The following GPC6 variants were observed in gnomAD, a reference collection of about 807,000 sequenced individuals.
The protein encoded by GPC6 is glypican-6.
GPC6 carries 14 observed loss-of-function variants against 55.2 expected under a neutral mutation model. The ratio of observed to expected loss-of-function variants is 0.25; its 90% CI spans 0.17 to 0.40. GPC6 has a LOEUF of 0.40. Ranked by LOEUF, GPC6 falls within the 10% of genes least tolerant of loss-of-function variation. GPC6 has a pLI of 1.00. For missense variants in GPC6, 641 were observed against 708.5 expected (o/e 0.90, Z 1.08); for synonymous variants, 278 against 259.6 (o/e 1.07, Z -0.68).
chr13:93,851,559 T>C (rs1356274011), intron 3 of GPC6, among the ~76,000 whole-genome samples: 1 of 151,922 alleles, frequency 6.6e-6, no homozygotes, highest in African/African-American at 2.4e-5. Context: ...TAAGTACTTT[T>C]ATGAAAGTCT....
chr13:94,405,224 AT>A lies in GPC6; in HGVS notation c.*2009del, dbSNP rs1253906829. The A allele has an allele frequency of 2.6e-5, 4 of 152,198 alleles. No homozygotes were observed. The highest frequency in any genetic ancestry group is 9.7e-5 in the African/African-American group (4 of 41,450). The allele number at this position is 152,198 out of a possible 1,614,324, so 9.4% of individuals were successfully genotyped here. ...GTAGGATGATGAGAGACTTTGTGGC[AT>A]TCTTTCATTTAAACCTTTATGAAAT... On this transcript the variant is annotated 3_prime_UTR_variant, in exon 9 of 9. Transcript: ENST00000377047.
chr13:94,248,535 A>G (rs1891261987), intron 4 of GPC6, among the ~76,000 whole-genome samples: 1 of 152,102 alleles, frequency 6.6e-6, no homozygotes, highest in African/African-American at 2.4e-5. Flanking sequence ...TTTCCCATAA[A>G]TATCACCCAA....
chr13:93,279,233 G>GT (rs951232738), intron 1 of GPC6, among the ~76,000 whole-genome samples: 4 of 152,160 alleles, frequency 2.6e-5, no homozygotes, highest in African/African-American at 9.7e-5. Flanking sequence ...CATTCAGGTG[G>GT]TTTTGGGAGG....
chr13:94,056,000 C>T (rs1313571587), intron 4 of GPC6, among the ~76,000 whole-genome samples: 1 of 152,140 alleles, frequency 6.6e-6, no homozygotes, highest in East Asian at 1.9e-4. Context: ...AGGACTCTGA[C>T]TCAGCCAAGG....
intron 2 of GPC6, among the ~76,000 whole-genome samples, chr13:93,622,202 T>C (rs888884387): frequency 3.3e-5 from 5 of 152,174 alleles, no homozygotes; most frequent in Non-Finnish European, 7.4e-5. Context: ...CTCAAAAATA[T>C]GTAAAATGAT....
chr13:93,461,370 T>C (rs1453315158), intron 1 of GPC6, among the ~76,000 whole-genome samples: 2 of 152,158 alleles, frequency 1.3e-5, no homozygotes, highest in East Asian at 3.9e-4. Context: ...ATTTTAGATA[T>C]GAAAAGCATC....
At chr13:93,339,567 G>A (rs1880166800) in intron 1 of GPC6, among the ~76,000 whole-genome samples, 2 of 151,004 alleles carry the variant, frequency 1.3e-5, no homozygotes, top group African/African-American at 4.9e-5. Flanking sequence ...GAGCCCCCAG[G>A]TCTACACTGA....
At chr13:93,821,794 T>G (rs1887054595) in intron 2 of GPC6, among the ~76,000 whole-genome samples, 1 of 152,198 alleles carries the variant, frequency 6.6e-6, no homozygotes, top group Non-Finnish European at 1.5e-5. Flanking sequence ...CCCCCCTGTC[T>G]GTGAGTCTCC....
At chr13:93,671,925 A>G (rs1881375259) in intron 2 of GPC6, among the ~76,000 whole-genome samples, 1 of 152,104 alleles carries the variant, frequency 6.6e-6, no homozygotes, top group Admixed American at 6.6e-5. Context: ...GGACACTACA[A>G]TGACCTATGG....
At chr13:93,420,843 T>C (rs1876896210) in intron 1 of GPC6, among the ~76,000 whole-genome samples, 1 of 152,042 alleles carries the variant, frequency 6.6e-6, no homozygotes, top group African/African-American at 2.4e-5. Context: ...CTCATGGAGT[T>C]TTGACTAGTA....
intron 2 of GPC6, among the ~76,000 whole-genome samples, chr13:93,547,793 A>G (rs1566417463): frequency 6.7e-6 from 1 of 150,358 alleles, no homozygotes; most frequent in Non-Finnish European, 1.5e-5. Flanking sequence ...ACTTAATAAT[A>G]ATAATAATAA....
In GPC6 at chr13:93,566,529, G is replaced by GT. The variant is rs35602582; in HGVS notation, c.319+21121dup. On this transcript the variant is annotated intron_variant, in intron 2 of 8. Coordinates refer to ENST00000377047, the MANE Select transcript of GPC6 (RefSeq NM_005708.5). ...AAATCTAGTTGTCAAGTTGGAGAAA[G>GT]TTTTTTTTTTTTTGCTTGTTTTTTT... Among the ~76,000 whole-genome samples, 680 of 145,520 alleles carry GT rather than the reference G, an allele frequency of 4.7e-3. 5 individuals are homozygous for GT. The highest frequency in any genetic ancestry group is 0.016 in the African/African-American group (625 of 39,206).
intron 2 of GPC6, among the ~76,000 whole-genome samples, chr13:93,592,402 A>AAT (rs370001607): frequency 2.0e-5 from 3 of 146,768 alleles, no homozygotes; most frequent in African/African-American, 5.0e-5. Flanking sequence ...TTAATATATA[A>AAT]ATATAAATAT....
At chr13:93,258,917 T>A (rs1877042951) in intron 1 of GPC6, among the ~76,000 whole-genome samples, 2 of 152,130 alleles carry the variant, frequency 1.3e-5, no homozygotes, top group African/African-American at 4.8e-5. Context: ...ACCAGTGCAC[T>A]CCAGCCTAGG....
At chr13:94,163,829 G>A (rs753948607) in intron 4 of GPC6, among the ~76,000 whole-genome samples, 6 of 152,026 alleles carry the variant, frequency 3.9e-5, no homozygotes, top group Non-Finnish European at 7.3e-5. Context: ...TAGGACACTT[G>A]GAAAGGCATT....
intron 3 of GPC6, among the ~76,000 whole-genome samples, chr13:93,915,017 C>T (rs1340820848): frequency 1.3e-5 from 2 of 152,184 alleles, no homozygotes; most frequent in Non-Finnish European, 2.9e-5. Flanking sequence ...CCAAACTCAG[C>T]ATGTCACAAA....
chr13:93,222,432 C>A (rs1369290420), upstream of GPC6, among the ~76,000 whole-genome samples: 1 of 152,198 alleles, frequency 6.6e-6, no homozygotes, highest in Non-Finnish European at 1.5e-5. Flanking sequence ...TTACCACATT[C>A]TAATCAGTTT....
chr13:93,506,440 T>G (rs1305842355), intron 1 of GPC6, among the ~76,000 whole-genome samples: 1 of 152,182 alleles, frequency 6.6e-6, no homozygotes, highest in African/African-American at 2.4e-5. Flanking sequence ...ATCATTATAC[T>G]AGCATGTCCG....
rs138298368 is a variant in GPC6, at chr13:94,168,765, C to T, written c.878-117584C>T. 8.7e-4 allele frequency among the ~76,000 whole-genome samples: 130 copies of T among 148,990 alleles called. No individual in the cohort carries two copies. The East Asian group carries it at 0.015, about 17-fold the overall frequency. ...TTTTACAACTGAATTGGAGTAAAGG[C>T]GAATATAGATGGGATTCATGATTTT... is the stretch of plus-strand genomic sequence containing the variant. On this transcript the variant is annotated intron_variant, in intron 4 of 8. Coordinates refer to ENST00000377047, the MANE Select transcript of GPC6 (RefSeq NM_005708.5).
Sources: allele counts gnomAD v4.1 joint callset (sites outside exome capture counted in the v4.1 genomes callset), GRCh38; gene constraint gnomAD v4.1.1; transcripts MANE v1.5; gene names NCBI Gene and HGNC (gene_info 2026-07-23, HGNC 2026-07-21).